Variants in EYA2 observed in about 807,000 individuals in gnomAD.
The protein encoded by EYA2 is EYA transcriptional coactivator and phosphatase 2.
A neutral mutation model predicts 69.2 loss-of-function variants in EYA2; 31 were observed. The observed-to-expected ratio is 0.45, with a 90% CI of 0.34 to 0.60. The LOEUF (loss-of-function observed/expected upper bound fraction) is 0.60, where lower values mean the gene tolerates loss of function less well. Ranked by LOEUF, EYA2 falls within the 20% of genes least tolerant of loss-of-function variation. EYA2 has a pLI of 0.02. For synonymous variants in EYA2, 257 were observed against 279.4 expected (o/e 0.92, Z 0.80); for missense variants, 622 against 701.2 (o/e 0.89, Z 1.28).
intron 4 of EYA2, among the ~76,000 whole-genome samples, 153 bp downstream of exon 4, chr20:47,005,237 G>C (rs1404929954): frequency 6.6e-6 from 1 of 152,228 alleles, no homozygotes; most frequent in Admixed American, 6.5e-5. Flanking sequence ...TTTAAATATG[G>C]TTCAAATTCT....
intron 1 of EYA2, among the ~76,000 whole-genome samples, chr20:46,932,030 G>A (rs377015291): frequency 1.8e-4 from 27 of 151,366 alleles, no homozygotes; most frequent in Admixed American, 6.6e-4. Flanking sequence ...CCACAGGACC[G>A]TCTTAAGCTG....
At chr20:47,023,171 G>T (rs1983858207) in intron 5 of EYA2, among the ~76,000 whole-genome samples, 1 of 152,122 alleles carries the variant, frequency 6.6e-6, no homozygotes, top group Non-Finnish European at 1.5e-5. Context: ...ATTAACCACT[G>T]TAATAATTTC....
chr20:47,130,261 C>CTTTTTTTTTTTT (rs74178703), intron 9 of EYA2, among the ~76,000 whole-genome samples: 1,304 of 81,254 alleles, frequency 0.016, 315 homozygotes, highest in African/African-American at 0.033. Context: ...GGTTTATTTT[C>CTTTTTTTTTTTT]TTTTTTTTTT....
At chr20:47,084,640 A>G (rs538866133) in intron 7 of EYA2, among the ~76,000 whole-genome samples, 4 of 152,212 alleles carry the variant, frequency 2.6e-5, no homozygotes, top group Non-Finnish European at 5.9e-5. Context: ...CATGATTAAG[A>G]TGCCAAATGT....
At chr20:46,921,843 A>G (rs1985194325) in intron 1 of EYA2, among the ~76,000 whole-genome samples, 1 of 152,208 alleles carries the variant, frequency 6.6e-6, no homozygotes, top group Admixed American at 6.5e-5. Flanking sequence ...CCAATACATT[A>G]TTTCTTTTTT....
intron 5 of EYA2, among the ~76,000 whole-genome samples, chr20:47,049,248 A>G (rs1235119399): frequency 6.6e-6 from 1 of 152,230 alleles, no homozygotes; most frequent in Non-Finnish European, 1.5e-5. Flanking sequence ...TTACATAACC[A>G]TCGGGCAGTG....
intron 5 of EYA2, among the ~76,000 whole-genome samples, chr20:47,025,781 C>G (rs1984044534): frequency 2.0e-5 from 3 of 152,314 alleles, no homozygotes; most frequent in African/African-American, 7.2e-5. Context: ...TACACTCCCC[C>G]CAGCAGTGTC....
intron 9 of EYA2, among the ~76,000 whole-genome samples, chr20:47,099,215 T>C (rs2032353938): frequency 6.6e-6 from 1 of 152,204 alleles, no homozygotes; most frequent in South Asian, 2.1e-4. Flanking sequence ...AGGCTTTTCC[T>C]GGAAATTGTC....
At chr20:47,128,528 C>T (rs1160582712) in intron 9 of EYA2, among the ~76,000 whole-genome samples, 2 of 147,038 alleles carry the variant, frequency 1.4e-5, no homozygotes, top group Non-Finnish European at 1.5e-5. Context: ...CAGGCATTTA[C>T]GAAAAAAAAA....
Position 47,085,688 on chromosome 20 carries a change from G to A in EYA2, c.662-3551G>A, listed in dbSNP as rs148977144. 3.1e-3 allele frequency among the ~76,000 whole-genome samples: 463 copies of A among 151,784 alleles called. 4 individuals carry two copies. The highest frequency in any genetic ancestry group is 8.1e-3 in the African/African-American group (336 of 41,440). ...AAGAAATGAAGTATCGATAAACACC[G>A]CATGTACTGAATCTCAAAGCAATTA... is the stretch of plus-strand genomic sequence containing the variant. On this transcript the variant is annotated intron_variant, in intron 7 of 15. Coordinates refer to ENST00000327619, the MANE Select transcript of EYA2 (RefSeq NM_005244.5).
intron 1 of EYA2, among the ~76,000 whole-genome samples, chr20:46,989,344 C>T (rs1981497697): frequency 6.6e-6 from 1 of 152,102 alleles, no homozygotes; most frequent in Non-Finnish European, 1.5e-5. Context: ...CGACTCACTG[C>T]AACCTCTGCC....
At chr20:47,045,362 GC>G (rs2029976513) in intron 5 of EYA2, among the ~76,000 whole-genome samples, 1 of 152,180 alleles carries the variant, frequency 6.6e-6, no homozygotes, top group Admixed American at 6.5e-5. Flanking sequence ...GAAACTGCCA[GC>G]TATTTTAAGG....
chr20:47,135,829 AAAAAAAAAAAAAC>A (rs2033452388), intron 9 of EYA2, among the ~76,000 whole-genome samples: 1 of 83,818 alleles, frequency 1.2e-5, no homozygotes, highest in South Asian at 3.4e-4. Flanking sequence ...AAAAAAAAAA[AAAAAAAAAAAAAC>A]AAACAAACAA....
chr20:47,162,811 A>AC (rs1317387579), intron 10 of EYA2, among the ~76,000 whole-genome samples: 2 of 151,300 alleles, frequency 1.3e-5, no homozygotes, highest in African/African-American at 4.9e-5. Flanking sequence ...GAGCCACCAC[A>AC]CCTGGCCCTC....
At position 47,097,127 on chromosome 20, in the gene EYA2, C is replaced by T. The variant is rs866808798; in HGVS notation, c.847C>T (p.His283Tyr). 6.2e-7 allele frequency: 1 copy of T among 1,611,404 alleles called. No individual in the cohort carries two copies. The highest frequency in any genetic ancestry group is 1.7e-4 in the Middle Eastern group (1 of 6,056). ...CTTGGATGAGACAATAATTATTTTT[C>T]ACTCCTTACTCACGGGGACATTTGC... ...WDLDETIIIFHSLLTGTFASR... is the reference protein window; with the variant it reads ...WDLDETIIIFYSLLTGTFASR... Residue 283 changes from histidine to tyrosine, a missense_variant, in exon 9 of 16, where the codon CAC becomes TAC. His to Tyr is a moderately conservative substitution (Grantham distance 83). Transcript: ENST00000327619.
chr20:47,008,455 G>A (rs1209694450), intron 4 of EYA2, among the ~76,000 whole-genome samples: 1 of 152,164 alleles, frequency 6.6e-6, no homozygotes, highest in Non-Finnish European at 1.5e-5. Flanking sequence ...ACAGGTGTGG[G>A]CATCTTTTCT....
intron 8 of EYA2, among the ~76,000 whole-genome samples, chr20:47,095,004 G>C (rs1315404455): frequency 1.4e-5 from 2 of 146,826 alleles, no homozygotes; most frequent in Non-Finnish European, 3.1e-5. Flanking sequence ...CTGCACACAG[G>C]CCCTGTCTCA....
chr20:47,054,349 A>G (rs2030495532), intron 5 of EYA2, among the ~76,000 whole-genome samples: 1 of 152,218 alleles, frequency 6.6e-6, no homozygotes, highest in Non-Finnish European at 1.5e-5. Context: ...ATCACGTCTC[A>G]TTCATCGCAG....
intron 10 of EYA2, among the ~76,000 whole-genome samples, chr20:47,151,634 G>A (rs1384473406): frequency 1.3e-5 from 2 of 151,844 alleles, no homozygotes; most frequent in Admixed American, 6.6e-5. Flanking sequence ...TTAAATCTCT[G>A]AACCAGTTCC....
Sources: gnomAD v4.1 joint callset for allele counts (sites outside exome capture counted in the v4.1 genomes callset) on GRCh38, gnomAD v4.1.1 for gene constraint, MANE v1.5 for transcripts, NCBI Gene and HGNC (gene_info 2026-07-23, HGNC 2026-07-21) for gene names.